DYTN: variants seen among roughly 807,000 people sequenced by gnomAD.
The protein encoded by DYTN is dystrotelin.
DYTN carries 75 observed loss-of-function variants against 69.6 expected under a neutral mutation model. That is an observed-to-expected ratio of 1.08 (90% CI 0.89 to 1.31). The LOEUF (loss-of-function observed/expected upper bound fraction) is 1.31, where lower values mean the gene tolerates loss of function less well. Among genes scored for constraint, DYTN ranks in the 50% most tolerant of loss-of-function variants. DYTN has a pLI of 0.00. For missense variants in DYTN, 726 were observed against 688.4 expected (o/e 1.05, Z -0.61); for synonymous variants, 252 against 249.1 (o/e 1.01, Z -0.11).
chr2:206,666,744 T>C (rs1284584665), intron 9 of DYTN, among the ~76,000 whole-genome samples: 2 of 97,478 alleles, frequency 2.1e-5, no homozygotes, highest in South Asian at 2.7e-4. Flanking sequence ...TGTGCGTGTG[T>C]GTGTGTGTGT....
intron 9 of DYTN, among the ~76,000 whole-genome samples, chr2:206,682,050 C>T (rs947521454): frequency 2.0e-5 from 3 of 152,108 alleles, no homozygotes; most frequent in African/African-American, 7.2e-5. Context: ...GCCTCAATTT[C>T]AGAACTTGTT....
Position 206,700,205 on chromosome 2 carries a change from G to T in DYTN, c.495C>A (p.Phe165Leu). ...LLTDLQQIPT[F>L]VGESRALCPV... ...GGCACAGAGCACGACTCTCTCCCACGAAAGTTGGGATCTGCAAGAGACAAC... is the reference window on the plus strand; with the variant it reads ...GGCACAGAGCACGACTCTCTCCCACTAAAGTTGGGATCTGCAAGAGACAAC... The change falls in exon 6 of 12, where the codon TTC (phenylalanine) becomes TTA (leucine). Residue 165 changes from phenylalanine (F) to leucine (L), a missense_variant. Coordinates refer to ENST00000452335, the MANE Select transcript of DYTN (RefSeq NM_001093730.1). 6.2e-7 allele frequency: 1 copy of T among 1,613,908 alleles called. No individual in the cohort carries two copies. Among genetic ancestry groups the T allele is most frequent in the Non-Finnish European group, 8.5e-7 (1 of 1,179,778 alleles).
intron 2 of DYTN, among the ~76,000 whole-genome samples, chr2:206,709,494 C>T (rs554846213): frequency 2.0e-5 from 3 of 151,940 alleles, no homozygotes; most frequent in East Asian, 3.9e-4. Context: ...CAAGCAAACA[C>T]GGTATGGAAA....
intron 1 of DYTN, among the ~76,000 whole-genome samples, chr2:206,711,681 C>T (rs1700079573): frequency 6.6e-6 from 1 of 151,758 alleles, no homozygotes; most frequent in African/African-American, 2.4e-5. Context: ...GTGTGCTGCA[C>T]CCATTAACTC....
At chr2:206,693,129 C>T (rs1351463653) in intron 9 of DYTN, 46 bp downstream of exon 9, 2 of 1,558,030 alleles carry the variant, frequency 1.3e-6, no homozygotes, top group Admixed American at 1.9e-5. Flanking sequence ...ACCCAGGGCC[C>T]TTGGTGGCTG....
intron 9 of DYTN, among the ~76,000 whole-genome samples, chr2:206,683,907 C>G (rs988630782): frequency 6.6e-6 from 1 of 152,066 alleles, no homozygotes; most frequent in Non-Finnish European, 1.5e-5. Flanking sequence ...AACCACCATA[C>G]TTAAATTTGC....
At chr2:206,666,151 A>T in intron 9 of DYTN, 122 bp from the exon 10 acceptor site, 4 of 1,341,642 alleles carry the variant, frequency 3.0e-6, no homozygotes, top group Non-Finnish European at 2.0e-6. Context: ...CCTGTGTCTC[A>T]ACTGTGTTTT....
chr2:206,715,871 C>T (rs1181896515), intron 1 of DYTN, among the ~76,000 whole-genome samples: 2 of 152,036 alleles, frequency 1.3e-5, no homozygotes, highest in Admixed American at 1.3e-4. Context: ...AGGTGGATAA[C>T]GAGGTCAGGA....
rs570854948 is a variant in DYTN, at chr2:206,705,133, G to A, written c.383-190C>T. 7 of 579,396 alleles carry A rather than the reference G, an allele frequency of 1.2e-5. No homozygotes were observed. The South Asian group carries it at 1.3e-4, about 11-fold the overall frequency. 35.9% of individuals were successfully genotyped at this position (579,396 alleles called of 1,614,324 possible). ...TGTTTTTAAATGAGGTTTTGTTCCTGTTCCCCAGGTTAGAGTGCAATGGCA... is the reference window on the plus strand; with the variant it reads ...TGTTTTTAAATGAGGTTTTGTTCCTATTCCCCAGGTTAGAGTGCAATGGCA... On this transcript the variant is annotated intron_variant, in intron 4 of 11. Coordinates refer to ENST00000452335, the MANE Select transcript of DYTN (RefSeq NM_001093730.1).
chr2:206,699,099 A>T (rs1699949934), intron 7 of DYTN, among the ~76,000 whole-genome samples: 2 of 152,252 alleles, frequency 1.3e-5, no homozygotes, highest in African/African-American at 4.8e-5. Flanking sequence ...TGTTAGGATG[A>T]TGATGATGAT....
chr2:206,706,900 T>TAAAA (rs199983044), intron 3 of DYTN, among the ~76,000 whole-genome samples: 61 of 119,744 alleles, frequency 5.1e-4, no homozygotes, highest in African/African-American at 1.8e-3. Flanking sequence ...TTATTCTAGC[T>TAAAA]AAAAAAAAAA....
rs182085591 is a variant in DYTN, at chr2:206,693,285, G to A, written c.870C>T (p.Thr290=). 85 of 1,613,316 alleles carry A rather than the reference G, an allele frequency of 5.3e-5. 1 individual carries two copies. The East Asian group carries it at 1.9e-3, about 36-fold the overall frequency. The change falls in exon 9 of 12, where the codon ACC becomes ACT. Residue 290 remains threonine, a synonymous_variant. Transcript: ENST00000452335. ...GCCCCTGAAGAAGGTTGTTTCTGAG[G>A]GTCCTGAAGAGAAGTTTTGTATTCT... ...AMQNTKLLFR[T]LRNNLLQGRC...
chr2:206,707,110 C>T (rs1341787725), intron 3 of DYTN, among the ~76,000 whole-genome samples, 192 bp downstream of exon 3: 1 of 152,092 alleles, frequency 6.6e-6, no homozygotes, highest in Non-Finnish European at 1.5e-5. Context: ...ATCCATGGGT[C>T]ATTTATATTC....
intron 11 of DYTN, among the ~76,000 whole-genome samples, chr2:206,656,838 C>T (rs979689753): frequency 2.6e-5 from 4 of 151,164 alleles, no homozygotes; most frequent in African/African-American, 7.3e-5. Flanking sequence ...TCTTGGTTCA[C>T]CGCAACCTCT....
At chr2:206,688,970 G>A (rs563955833) in intron 9 of DYTN, among the ~76,000 whole-genome samples, 2 of 152,088 alleles carry the variant, frequency 1.3e-5, no homozygotes, top group Non-Finnish European at 2.9e-5. Context: ...ATCATTTGAA[G>A]CCTATTAATT....
intron 1 of DYTN, among the ~76,000 whole-genome samples, chr2:206,711,266 T>C (rs572767773): frequency 5.3e-4 from 81 of 152,348 alleles, no homozygotes; most frequent in South Asian, 2.3e-3. Context: ...ATTATTAATA[T>C]ACCTTCTTTT....
chr2:206,687,470 A>T (rs1370334828), intron 9 of DYTN: 1 of 152,138 alleles, frequency 6.6e-6, no homozygotes, highest in African/African-American at 2.4e-5. Flanking sequence ...ATTACCGAAA[A>T]TATTTTTCTA....
intron 4 of DYTN, 96 bp downstream of exon 4, chr2:206,705,692 C>T: frequency 9.6e-7 from 1 of 1,039,196 alleles, no homozygotes; most frequent in Non-Finnish European, 1.4e-6. Flanking sequence ...ATGCTGAGTA[C>T]ATGCTGAAGA....
intron 7 of DYTN, among the ~76,000 whole-genome samples, chr2:206,697,064 A>G (rs1699925764): frequency 6.6e-6 from 1 of 152,234 alleles, no homozygotes; most frequent in Non-Finnish European, 1.5e-5. Flanking sequence ...TGTACAACAT[A>G]ATAAACTATT....
Sources: gnomAD v4.1 joint callset for allele counts (sites outside exome capture counted in the v4.1 genomes callset) on GRCh38, gnomAD v4.1.1 for gene constraint, MANE v1.5 for transcripts, NCBI Gene and HGNC (gene_info 2026-07-23, HGNC 2026-07-21) for gene names.